The following AGBL1 variants were observed in gnomAD, a reference collection of about 807,000 sequenced individuals.
AGBL1 encodes the protein AGBL carboxypeptidase 1, also known as cytosolic carboxypeptidase 4.
Under a neutral mutation model 118.9 loss-of-function variants are expected in AGBL1, and 130 were observed. The ratio of observed to expected loss-of-function variants is 1.09; its 90% confidence interval spans 0.95 to 1.26. The LOEUF (loss-of-function observed/expected upper bound fraction) is 1.26, where lower values mean the gene tolerates loss of function less well. Among genes scored for constraint, AGBL1 ranks in the 50% most tolerant of loss-of-function variants. AGBL1 has a pLI of 0.00. For synonymous variants in AGBL1, 555 were observed against 478.9 expected (o/e 1.16, Z -2.08); for missense variants, 1,584 against 1,298.1 (o/e 1.22, Z -3.38).
At chr15:86,699,197 A>G (rs1035877627) in intron 22 of AGBL1, among the ~76,000 whole-genome samples, 1 of 152,174 alleles carries the variant, frequency 6.6e-6, no homozygotes, top group South Asian at 2.1e-4. Context: ...GAGATTTGTC[A>G]AATGTTAATA....
At chr15:86,282,758 C>T (rs188403900) in intron 16 of AGBL1, among the ~76,000 whole-genome samples, 9 of 152,174 alleles carry the variant, frequency 5.9e-5, no homozygotes, top group Middle Eastern at 3.4e-3. Flanking sequence ...AAATTAAATG[C>T]GAATGATACC....
chr15:86,705,978 A>G (rs1165808009), intron 22 of AGBL1, among the ~76,000 whole-genome samples: 1 of 152,162 alleles, frequency 6.6e-6, no homozygotes, highest in Non-Finnish European at 1.5e-5. Flanking sequence ...GGAAAAAAAA[A>G]ACTTTAAAAA....
intron 21 of AGBL1, among the ~76,000 whole-genome samples, chr15:86,669,112 G>C (rs2085696718): frequency 6.6e-6 from 1 of 151,278 alleles, no homozygotes; most frequent in Admixed American, 6.6e-5. Context: ...AAAAAAAAAA[G>C]TTTAGCATTT....
At chr15:86,416,715 T>A (rs1034831472) in intron 18 of AGBL1, among the ~76,000 whole-genome samples, 2 of 152,176 alleles carry the variant, frequency 1.3e-5, no homozygotes, top group Non-Finnish European at 2.9e-5. Context: ...TGAAAAGCAA[T>A]TGTTCTCCTT....
At chr15:86,238,962 T>C (rs910766923) in intron 6 of AGBL1, among the ~76,000 whole-genome samples, 2 of 152,140 alleles carry the variant, frequency 1.3e-5, no homozygotes, top group Non-Finnish European at 2.9e-5. Context: ...AGGTGCAGCA[T>C]TGCAACCTAA....
intron 21 of AGBL1, among the ~76,000 whole-genome samples, chr15:86,620,969 T>G (rs2084794362): frequency 6.6e-6 from 1 of 151,510 alleles, no homozygotes; most frequent in Non-Finnish European, 1.5e-5. Context: ...TCTATTATTT[T>G]CTACTCTCAT....
intron 21 of AGBL1, among the ~76,000 whole-genome samples, chr15:86,606,609 C>T (rs1338446134): frequency 1.3e-5 from 2 of 152,148 alleles, no homozygotes; most frequent in African/African-American, 2.4e-5. Flanking sequence ...AGACCCTACT[C>T]CTCCTCTCTT....
chr15:86,187,248 G>A (rs1279930544), intron 5 of AGBL1, among the ~76,000 whole-genome samples: 2 of 152,166 alleles, frequency 1.3e-5, no homozygotes, highest in African/African-American at 4.8e-5. Context: ...ATTTCTTTAC[G>A]AGGTTTTTTA....
intron 17 of AGBL1, among the ~76,000 whole-genome samples, chr15:86,332,140 T>C (rs1296243403): frequency 1.3e-5 from 2 of 152,084 alleles, no homozygotes; most frequent in African/African-American, 4.8e-5. Flanking sequence ...AATAAAACAA[T>C]GTAACAACAG....
At chr15:86,829,628 G>A (rs2079076601) in intron 22 of AGBL1, among the ~76,000 whole-genome samples, 1 of 152,072 alleles carries the variant, frequency 6.6e-6, no homozygotes, top group Non-Finnish European at 1.5e-5. Flanking sequence ...AGGACACACA[G>A]GCTTCTGGGC....
At chr15:86,539,178 AG>A (rs1449616020) in intron 19 of AGBL1, among the ~76,000 whole-genome samples, 1 of 152,236 alleles carries the variant, frequency 6.6e-6, no homozygotes, top group Non-Finnish European at 1.5e-5. Context: ...TCCAGCTCAA[AG>A]GAAACTAGAT....
At chr15:86,577,702 C>T (rs1165427359) in intron 21 of AGBL1, among the ~76,000 whole-genome samples, 1 of 152,144 alleles carries the variant, frequency 6.6e-6, no homozygotes, top group Admixed American at 6.5e-5. Flanking sequence ...ACGTGGTGCC[C>T]TGTGTCCCAG....
intron 24 of AGBL1, among the ~76,000 whole-genome samples, chr15:86,989,092 TC>T (rs1382364592): frequency 2.0e-5 from 3 of 148,440 alleles, no homozygotes; most frequent in Non-Finnish European, 4.5e-5. Flanking sequence ...GCTTTGATCC[TC>T]CTGCTTCAAA....
intron 23 of AGBL1, among the ~76,000 whole-genome samples, chr15:86,958,177 C>G (rs1055453605): frequency 6.7e-6 from 1 of 149,682 alleles, no homozygotes; most frequent in Admixed American, 6.7e-5. Flanking sequence ...TGCACTCCAG[C>G]CTGGGTGATA....
chr15:86,901,608 T>C (rs1199884698), intron 22 of AGBL1, among the ~76,000 whole-genome samples: 1 of 152,132 alleles, frequency 6.6e-6, no homozygotes, highest in Non-Finnish European at 1.5e-5. Flanking sequence ...ACCCTTTCTT[T>C]AAATAATTTT....
chr15:86,368,618 A>ATGAAG (rs1227669012), intron 17 of AGBL1, among the ~76,000 whole-genome samples: 1 of 152,204 alleles, frequency 6.6e-6, no homozygotes, highest in Non-Finnish European at 1.5e-5. Context: ...GAAGGAATTA[A>ATGAAG]TGAAGTGAAA....
chr15:86,757,848 G>A (rs934420576), intron 22 of AGBL1, among the ~76,000 whole-genome samples: 2 of 152,020 alleles, frequency 1.3e-5, no homozygotes, highest in African/African-American at 2.4e-5. Context: ...TTTAACCATA[G>A]TAGAACAAGA....
chr15:86,119,463 C>G (rs1048210888), intron 1 of AGBL1, among the ~76,000 whole-genome samples: 1 of 152,052 alleles, frequency 6.6e-6, no homozygotes, highest in Non-Finnish European at 1.5e-5. Flanking sequence ...TTCAGCAGGA[C>G]ACAGTCAAGG....
chr15:86,291,994 A>G (rs954823835), intron 16 of AGBL1, among the ~76,000 whole-genome samples: 1 of 152,138 alleles, frequency 6.6e-6, no homozygotes, highest in African/African-American at 2.4e-5. Context: ...GTTGTGTCAA[A>G]TCCTGGCTTT....
Sources: gnomAD v4.1 joint callset for allele counts (sites outside exome capture counted in the v4.1 genomes callset) on GRCh38, gnomAD v4.1.1 for gene constraint, MANE v1.5 for transcripts, NCBI Gene and HGNC (gene_info 2026-07-23, HGNC 2026-07-21) for gene names.